Variants in NTM observed in about 807,000 individuals in gnomAD.
The protein encoded by NTM is IgLON family member 2.
In NTM, 13 loss-of-function variants were observed where a neutral mutation model predicts 42.1. The observed-to-expected ratio is 0.31, with a 90% CI of 0.20 to 0.49. The LOEUF is 0.49. Among genes scored for constraint, NTM ranks in the 20% least tolerant of loss-of-function variants. NTM has a pLI of 0.99. For missense variants in NTM, 373 were observed against 452.8 expected (o/e 0.82, Z 1.60); for synonymous variants, 187 against 179.2 (o/e 1.04, Z -0.35).
intron 3 of NTM, among the ~76,000 whole-genome samples, chr11:132,210,476 G>A (rs576897285): frequency 1.3e-5 from 2 of 152,292 alleles, no homozygotes; most frequent in African/African-American, 4.8e-5. Flanking sequence ...CATTGTTCAG[G>A]TCATCAGAAA....
intron 1 of NTM, among the ~76,000 whole-genome samples, chr11:131,380,231 G>A (rs1440635203): frequency 1.4e-5 from 1 of 69,764 alleles, no homozygotes; most frequent in Non-Finnish European, 2.9e-5. Context: ...TTTTTTTTTT[G>A]AGATGGAGTC....
chr11:131,610,310 A>G (rs1462920933), intron 1 of NTM, among the ~76,000 whole-genome samples: 2 of 152,198 alleles, frequency 1.3e-5, no homozygotes, highest in Non-Finnish European at 2.9e-5. Flanking sequence ...ATGGCAGGAA[A>G]CCCAGCTCTT....
intron 1 of NTM, among the ~76,000 whole-genome samples, chr11:131,542,632 A>G (rs1024787635): frequency 3.9e-5 from 6 of 152,190 alleles, no homozygotes; most frequent in South Asian, 2.1e-4. Context: ...TAGCACCCAC[A>G]TTTATCAGCT....
chr11:132,257,972 G>A (rs1221906057), intron 4 of NTM, among the ~76,000 whole-genome samples: 1 of 152,198 alleles, frequency 6.6e-6, no homozygotes, highest in African/African-American at 2.4e-5. Flanking sequence ...CTGTGTAGCT[G>A]CAGAGCCTTC....
At chr11:131,510,527 A>C (rs898422808) in intron 1 of NTM, among the ~76,000 whole-genome samples, 2 of 152,312 alleles carry the variant, frequency 1.3e-5, no homozygotes, top group Admixed American at 6.5e-5. Flanking sequence ...CTGTTACAAG[A>C]CTGTGGTCAA....
At chr11:131,968,591 C>T (rs189357191) in intron 2 of NTM, among the ~76,000 whole-genome samples, 5 of 152,238 alleles carry the variant, frequency 3.3e-5, no homozygotes, top group Admixed American at 1.3e-4. Flanking sequence ...GCCTGATCAG[C>T]GTTTCTGTCT....
chr11:132,296,160 C>T lies in NTM; in HGVS notation c.527-11529C>T, dbSNP rs574842089. Among the ~76,000 whole-genome samples the T allele has an allele frequency of 3.6e-4, 55 of 152,208 alleles. 1 individual carries two copies. The highest frequency in any genetic ancestry group is 3.3e-3 in the South Asian group (16 of 4,810). On this transcript the variant is annotated intron_variant, in intron 4 of 8. Coordinates refer to ENST00000683400, the MANE Select transcript of NTM (RefSeq NM_001352005.2). ...AGGGCAAGGTGGTGAATTCAGCCTGCGGTGTCTGGGAAGCATACAGAGTAG... is the reference window on the plus strand; with the variant it reads ...AGGGCAAGGTGGTGAATTCAGCCTGTGGTGTCTGGGAAGCATACAGAGTAG...
At chr11:131,878,595 ATATATATATATATATATATATATAT>A (rs1187739888) in intron 1 of NTM, among the ~76,000 whole-genome samples, 381 of 11,148 alleles carry the variant, frequency 0.034, 92 homozygotes, top group African/African-American at 0.086. Context: ...AAAAAAAAAA[ATATATATATATATATATATATATAT>A]ATATATATAT....
rs563062718 is a variant in NTM at position 132,265,885 on chromosome 11, C to T, written c.527-41804C>T. Reference sequence around the variant, plus strand: ...GTTAAGTAGAAAGCCCAGGGAAACACATCCGCAGGTGGCAGAGATGGGATA... The same window carrying T: ...GTTAAGTAGAAAGCCCAGGGAAACATATCCGCAGGTGGCAGAGATGGGATA... On this transcript the variant is annotated intron_variant, in intron 4 of 8. Coordinates refer to ENST00000683400, the MANE Select transcript of NTM (RefSeq NM_001352005.2). 3.9e-5 allele frequency among the ~76,000 whole-genome samples: 6 copies of T among 152,298 alleles called. No homozygotes were observed. In the East Asian group the frequency reaches 1.2e-3, roughly 29 times the overall value.
intron 1 of NTM, among the ~76,000 whole-genome samples, chr11:131,596,315 G>A (rs2059805071): frequency 6.6e-6 from 1 of 152,210 alleles, no homozygotes; most frequent in Non-Finnish European, 1.5e-5. Context: ...AATATATTTA[G>A]TAAAGAGTGA....
At chr11:131,854,329 G>A (rs752005057) in intron 1 of NTM, among the ~76,000 whole-genome samples, 2 of 152,174 alleles carry the variant, frequency 1.3e-5, no homozygotes, top group African/African-American at 4.8e-5. Context: ...AGCATTAAAC[G>A]ACACCAAATT....
chr11:131,790,145 A>C (rs953800063), intron 1 of NTM, among the ~76,000 whole-genome samples: 1 of 152,110 alleles, frequency 6.6e-6, no homozygotes, highest in East Asian at 1.9e-4. Context: ...TGGACATAGA[A>C]GTTTAATATG....
intron 1 of NTM, among the ~76,000 whole-genome samples, chr11:131,669,147 T>G (rs2069648057): frequency 6.6e-6 from 1 of 151,896 alleles, no homozygotes; most frequent in African/African-American, 2.4e-5. Flanking sequence ...CAGATCCAGA[T>G]GAGGTGAGGA....
chr11:131,532,358 G>A (rs1034780262), intron 1 of NTM, among the ~76,000 whole-genome samples: 9 of 152,258 alleles, frequency 5.9e-5, no homozygotes, highest in African/African-American at 1.9e-4. Flanking sequence ...TTTAGCGTAA[G>A]GTTTTCAAGA....
At chr11:132,127,958 G>T (rs1250705101) in intron 2 of NTM, among the ~76,000 whole-genome samples, 1 of 152,200 alleles carries the variant, frequency 6.6e-6, no homozygotes, top group Non-Finnish European at 1.5e-5. Context: ...GCTGGCCTGG[G>T]CATTGGCTCT....
intron 4 of NTM, among the ~76,000 whole-genome samples, chr11:132,301,602 G>A (rs1488672159): frequency 1.3e-5 from 2 of 152,158 alleles, no homozygotes; most frequent in African/African-American, 4.8e-5. Flanking sequence ...ATGTTCATCA[G>A]CCATCATAAT....
intron 2 of NTM, among the ~76,000 whole-genome samples, chr11:131,970,668 T>C (rs890883088): frequency 6.6e-6 from 1 of 152,230 alleles, no homozygotes; most frequent in Non-Finnish European, 1.5e-5. Flanking sequence ...ATCTTATACC[T>C]GGGCTCTCCC....
chr11:131,914,807 G>A (rs2056003128), intron 2 of NTM, among the ~76,000 whole-genome samples: 1 of 152,220 alleles, frequency 6.6e-6, no homozygotes, highest in Non-Finnish European at 1.5e-5. Flanking sequence ...ATTAGCCAAT[G>A]TTAATTGAGT....
intron 1 of NTM, among the ~76,000 whole-genome samples, chr11:131,442,215 G>T (rs1192000658): frequency 6.6e-6 from 1 of 152,162 alleles, no homozygotes; most frequent in Non-Finnish European, 1.5e-5. Context: ...TTTTGACAAG[G>T]GCTGAAAGTC....
Sources: gnomAD v4.1 joint callset for allele counts (sites outside exome capture counted in the v4.1 genomes callset) on GRCh38, gnomAD v4.1.1 for gene constraint, MANE v1.5 for transcripts, NCBI Gene and HGNC (gene_info 2026-07-23, HGNC 2026-07-21) for gene names.